GPR107: variants seen among roughly 807,000 people sequenced by gnomAD.
The protein encoded by GPR107 is protein GPR107.
Under a neutral mutation model 75.5 loss-of-function variants are expected in GPR107, and 31 were observed. The ratio of observed to expected loss-of-function variants is 0.41; its 90% CI spans 0.31 to 0.55. The LOEUF is 0.55. GPR107 is among the 20% of genes least tolerant of loss of function. The pLI is 0.26. For synonymous variants in GPR107, 267 were observed against 251.3 expected (o/e 1.06, Z -0.59); for missense variants, 572 against 665.7 (o/e 0.86, Z 1.55).
chr9:130,130,303 G>A (rs1831789181), intron 17 of GPR107, among the ~76,000 whole-genome samples: 1 of 152,236 alleles, frequency 6.6e-6, no homozygotes, highest in South Asian at 2.1e-4. Context: ...TAGGCTGTGG[G>A]TATCCTCAAT....
intron 9 of GPR107, among the ~76,000 whole-genome samples, chr9:130,095,609 G>C (rs892317508): frequency 3.9e-5 from 6 of 152,182 alleles, no homozygotes; most frequent in African/African-American, 1.4e-4. Flanking sequence ...TGGCTGGGAT[G>C]GTCTTGATCT....
At chr9:130,108,815 G>A (rs1831224929) in intron 14 of GPR107, 1 of 189,830 alleles carries the variant, frequency 5.3e-6, no homozygotes, top group South Asian at 3.3e-5. Flanking sequence ...CTTGTGATAG[G>A]TTCTTTTCAG....
chr9:130,096,886 T>A (rs1830886886), intron 9 of GPR107, among the ~76,000 whole-genome samples: 1 of 152,392 alleles, frequency 6.6e-6, no homozygotes, highest in Admixed American at 6.5e-5. Flanking sequence ...CTTTCTGCGA[T>A]CTAGCCATGT....
intron 1 of GPR107, among the ~76,000 whole-genome samples, chr9:130,073,599 C>G (rs1208793609): frequency 6.6e-6 from 1 of 152,146 alleles, no homozygotes; most frequent in Non-Finnish European, 1.5e-5. Context: ...CACCACATAG[C>G]CAAGCTCCTA....
At chr9:130,085,387 G>C (rs1830590488) in intron 6 of GPR107, among the ~76,000 whole-genome samples, 1 of 152,168 alleles carries the variant, frequency 6.6e-6, no homozygotes, top group Admixed American at 6.6e-5. Flanking sequence ...GCGATATCTT[G>C]ATTTCTCCAT....
intron 1 of GPR107, among the ~76,000 whole-genome samples, chr9:130,062,154 C>T (rs1214429978): frequency 6.6e-6 from 1 of 151,932 alleles, no homozygotes. Flanking sequence ...GTGGCTCACA[C>T]CTGTAATCCC....
At chr9:130,119,261 A>C (rs1589525836) in intron 14 of GPR107, among the ~76,000 whole-genome samples, 1 of 152,178 alleles carries the variant, frequency 6.6e-6, no homozygotes, top group Non-Finnish European at 1.5e-5. Flanking sequence ...CGCTGCTTGC[A>C]GGAGAGCCCA....
At chr9:130,093,278 C>T (rs1460018182) in intron 9 of GPR107, among the ~76,000 whole-genome samples, 2 of 152,012 alleles carry the variant, frequency 1.3e-5, no homozygotes, top group Admixed American at 1.3e-4. Context: ...GCTGCATATG[C>T]GTGAATTCTT....
intron 9 of GPR107, among the ~76,000 whole-genome samples, chr9:130,098,380 C>A (rs1183086216): frequency 6.6e-6 from 1 of 152,182 alleles, no homozygotes; most frequent in Non-Finnish European, 1.5e-5. Flanking sequence ...ATGACCCTGG[C>A]ACTTTCTCCT....
At position 130,119,289 on chromosome 9, in the gene GPR107, C is replaced by T. The variant is rs143282461; in HGVS notation, c.1307-5626C>T. ...AGAGCCCAGGCGCCCTGGCAGCCCC[C>T]AGGTCCCCATTTGTTCCAGTTTTAC... On this transcript the variant is annotated intron_variant, in intron 14 of 17. Coordinates refer to ENST00000347136, the MANE Select transcript of GPR107 (RefSeq NM_020960.5). Among the ~76,000 whole-genome samples the T allele has an allele frequency of 1.0e-3, 158 of 152,340 alleles. 1 individual carries two copies. The highest frequency in any genetic ancestry group is 3.2e-3 in the African/African-American group (132 of 41,578).
intron 7 of GPR107, among the ~76,000 whole-genome samples, chr9:130,090,217 CTCTAAG>C (rs1244266863): frequency 3.3e-5 from 5 of 152,176 alleles, no homozygotes; most frequent in Non-Finnish European, 7.3e-5. Flanking sequence ...AAGTCATATT[CTCTAAG>C]TCTGTCTGTC....
intron 4 of GPR107, among the ~76,000 whole-genome samples, chr9:130,079,039 T>C (rs1830428269): frequency 6.6e-6 from 1 of 152,114 alleles, no homozygotes; most frequent in African/African-American, 2.4e-5. Flanking sequence ...GCTCATTGCA[T>C]CCTCCACCTC....
chr9:130,085,825 A>G (rs1830603529), intron 6 of GPR107, among the ~76,000 whole-genome samples: 1 of 136,618 alleles, frequency 7.3e-6, no homozygotes, highest in Non-Finnish European at 1.5e-5. Context: ...CAGTGGCACG[A>G]TCTCAACCTC....
intron 14 of GPR107, among the ~76,000 whole-genome samples, chr9:130,113,370 C>T (rs1273671786): frequency 6.6e-6 from 1 of 151,098 alleles, no homozygotes; most frequent in Non-Finnish European, 1.5e-5. Flanking sequence ...GTAGGTGGGA[C>T]TACAGGTCTT....
chr9:130,075,821 C>G, intron 2 of GPR107, 72 bp downstream of exon 2: 1 of 732,132 alleles, frequency 1.4e-6, no homozygotes, highest in Non-Finnish European at 2.3e-6. Context: ...CTTGCTCTGT[C>G]ACCCAGGCTG....
intron 1 of GPR107, among the ~76,000 whole-genome samples, chr9:130,069,375 A>G (rs770649134): frequency 2.0e-5 from 3 of 152,168 alleles, no homozygotes; most frequent in Non-Finnish European, 4.4e-5. Context: ...GAGTTTGAGA[A>G]TGTAGCTGAA....
intron 5 of GPR107, among the ~76,000 whole-genome samples, chr9:130,080,865 C>A (rs945616789): frequency 6.6e-6 from 1 of 151,384 alleles, no homozygotes; most frequent in African/African-American, 2.4e-5. Context: ...TTTATATTCA[C>A]CATTTTTTAT....
At chr9:130,067,374 A>G (rs1175887621) in intron 1 of GPR107, among the ~76,000 whole-genome samples, 1 of 152,110 alleles carries the variant, frequency 6.6e-6, no homozygotes, top group Non-Finnish European at 1.5e-5. Context: ...GCCCCTTGAG[A>G]TAGATGTTAT....
rs1405586528 is a variant in GPR107, at chr9:130,118,735, G to A, written c.1307-6180G>A. Among the ~76,000 whole-genome samples, 3 of 152,078 alleles carry A rather than the reference G, an allele frequency of 2.0e-5. No individual in the cohort carries two copies. In the East Asian group the frequency reaches 5.8e-4, roughly 29 times the overall value. On this transcript the variant is annotated intron_variant, in intron 14 of 17. Transcript: ENST00000347136. ...GGGCCTGATTCCCTAAGATGGGCAG[G>A]GGCAGGGGCAGCCTGGGCATCTATA...
Sources: allele counts gnomAD v4.1 joint callset (sites outside exome capture counted in the v4.1 genomes callset), GRCh38; gene constraint gnomAD v4.1.1; transcripts MANE v1.5; gene names NCBI Gene and HGNC (gene_info 2026-07-23, HGNC 2026-07-21).